GPR158: variants seen among roughly 807,000 people sequenced by gnomAD.
The protein encoded by GPR158 is G protein-coupled receptor 158, also known as metabotropic glycine receptor.
A neutral mutation model predicts 78.2 loss-of-function variants in GPR158; 30 were observed. The observed-to-expected ratio is 0.38, with a 90% CI of 0.29 to 0.52. The LOEUF (loss-of-function observed/expected upper bound fraction) is 0.52. Among genes scored for constraint, GPR158 ranks in the 20% least tolerant of loss-of-function variants. The pLI, the probability that GPR158 is intolerant of heterozygous loss-of-function variation, is 0.83. For synonymous variants in GPR158, 581 were observed against 591.1 expected (o/e 0.98, Z 0.25); for missense variants, 1,463 against 1,523.5 (o/e 0.96, Z 0.66).
Position 25,175,404 on chromosome 10 carries a change from T to C in GPR158, c.-17T>C. On this transcript the variant is annotated 5_prime_UTR_variant, in exon 1 of 11. Coordinates refer to ENST00000376351, the MANE Select transcript of GPR158 (RefSeq NM_020752.3). The surrounding 1 kb of genome is among the most constrained non-coding windows in gnomAD (Gnocchi z 6.4). ...TTCCCCCCCCTCCCGTTCCCTCCTC[T>C]TCTCTCTGGGAGGCAGATGGGAGCC... 6.8e-7 allele frequency: 1 copy of C among 1,466,918 alleles called. No individual in the cohort carries two copies. The highest frequency in any genetic ancestry group is 9.2e-7 in the Non-Finnish European group (1 of 1,088,242). 90.9% of individuals were successfully genotyped at this position (1,466,918 alleles called of 1,614,324 possible).
At chr10:25,255,030 G>A (rs1227532898) in intron 2 of GPR158, among the ~76,000 whole-genome samples, 3 of 152,024 alleles carry the variant, frequency 2.0e-5, no homozygotes, top group Non-Finnish European at 2.9e-5. Context: ...GTATTCCATG[G>A]GTCTGGACTC....
intron 2 of GPR158, among the ~76,000 whole-genome samples, chr10:25,387,350 T>A (rs528090464): frequency 3.3e-5 from 5 of 152,206 alleles, no homozygotes; most frequent in Non-Finnish European, 7.3e-5. Flanking sequence ...ATAATCCTTT[T>A]TAATGTCTGT....
At chr10:25,593,770 T>C (rs971540446) in intron 8 of GPR158, among the ~76,000 whole-genome samples, 2 of 152,128 alleles carry the variant, frequency 1.3e-5, no homozygotes, top group African/African-American at 4.8e-5. Context: ...GAGTACATTT[T>C]ATAAACCATT....
At chr10:25,543,284 C>G (rs1368482744) in intron 5 of GPR158, among the ~76,000 whole-genome samples, 7 of 152,034 alleles carry the variant, frequency 4.6e-5, no homozygotes, top group South Asian at 2.1e-4. Context: ...CCCTGCCCAG[C>G]TAATTTTTGT....
intron 4 of GPR158, among the ~76,000 whole-genome samples, chr10:25,423,123 ATATATGTATATACATATACATATATATG>A (rs1386867992): frequency 6.2e-5 from 8 of 128,982 alleles, no homozygotes; most frequent in Admixed American, 1.5e-4. Flanking sequence ...ATATATACAT[ATATATGTATATACATATACATATATATG>A]TATATGTATA....
intron 1 of GPR158, among the ~76,000 whole-genome samples, chr10:25,202,340 G>C (rs576010219): frequency 6.6e-6 from 1 of 151,916 alleles, no homozygotes; most frequent in East Asian, 1.9e-4. Context: ...TGCCATGTTG[G>C]TGTGCTACAC....
intron 2 of GPR158, among the ~76,000 whole-genome samples, chr10:25,390,189 A>G (rs1760730): frequency 0.52 from 78,797 of 151,668 alleles, 24,798 homozygotes; most frequent in Non-Finnish European, 0.73. Context: ...CAGCTTGAGA[A>G]CAGACTAATA....
At chr10:25,563,551 A>G (rs1302291666) in intron 6 of GPR158, among the ~76,000 whole-genome samples, 2 of 152,250 alleles carry the variant, frequency 1.3e-5, no homozygotes, top group East Asian at 3.9e-4. Flanking sequence ...AGTTTCTAAT[A>G]TATCATTTTG....
At chr10:25,418,217 C>T (rs569955141) in intron 4 of GPR158, among the ~76,000 whole-genome samples, 33 of 152,240 alleles carry the variant, frequency 2.2e-4, no homozygotes, top group African/African-American at 7.5e-4. Context: ...CCAGGAAAGT[C>T]TAATTTTTAG....
chr10:25,372,040 G>A (rs36130059), intron 2 of GPR158, among the ~76,000 whole-genome samples: 8,298 of 151,668 alleles, frequency 0.055, 518 homozygotes, highest in African/African-American at 0.15. Flanking sequence ...TCAAAAAGTG[G>A]GCGAAGGACA....
chr10:25,251,125 A>G, intron 2 of GPR158, among the ~76,000 whole-genome samples: 1 of 152,176 alleles, frequency 6.6e-6, no homozygotes, highest in Non-Finnish European at 1.5e-5. Flanking sequence ...ATCAGAGACT[A>G]GGAATGCAAC....
At chr10:25,344,475 C>T (rs540799046) in intron 2 of GPR158, among the ~76,000 whole-genome samples, 1 of 151,808 alleles carries the variant, frequency 6.6e-6, no homozygotes, top group South Asian at 2.1e-4. Flanking sequence ...CACCATGATA[C>T]ACAATAGATC....
chr10:25,342,202 G>A (rs1855312745), intron 2 of GPR158, among the ~76,000 whole-genome samples: 1 of 151,420 alleles, frequency 6.6e-6, no homozygotes, highest in South Asian at 2.1e-4. Context: ...CCTGAAGTAT[G>A]TGTGCTATAT....
At chr10:25,333,895 G>C (rs919055148) in intron 2 of GPR158, among the ~76,000 whole-genome samples, 1 of 152,068 alleles carries the variant, frequency 6.6e-6, no homozygotes, top group Non-Finnish European at 1.5e-5. Context: ...TTAATTTCAA[G>C]TGTCCTGGCC....
chr10:25,233,172 A>C (rs1171435044), intron 2 of GPR158, among the ~76,000 whole-genome samples: 1 of 152,196 alleles, frequency 6.6e-6, no homozygotes, highest in African/African-American at 2.4e-5. Flanking sequence ...CCAGAAAGGA[A>C]TATCTTTATT....
At chr10:25,403,479 A>G (rs1046660909) in intron 3 of GPR158, among the ~76,000 whole-genome samples, 2 of 152,022 alleles carry the variant, frequency 1.3e-5, no homozygotes, top group Non-Finnish European at 2.9e-5. Flanking sequence ...ATATAGCTTT[A>G]TACATTTTCC....
Position 25,551,011 on chromosome 10 carries a change from C to T in GPR158, c.1440C>T (p.Arg480=). 2 of 1,609,988 alleles carry T rather than the reference C, an allele frequency of 1.2e-6. No homozygotes were observed. Among genetic ancestry groups the T allele is most frequent in the Middle Eastern group, 1.7e-4 (1 of 6,046 alleles). ...VILYFEPSTF[R]CILLRWARLL... ...TGTACTTTGAGCCAAGCACATTTCG[C>T]TGTATTCTCCTAAGATGGGCTCGTC... Residue 480 remains arginine (R), a synonymous_variant, in exon 6 of 11, where the codon CGC becomes CGT. Coordinates refer to ENST00000376351, the MANE Select transcript of GPR158 (RefSeq NM_020752.3).
At chr10:25,182,355 C>G (rs1564384575) in intron 1 of GPR158, among the ~76,000 whole-genome samples, 1 of 152,154 alleles carries the variant, frequency 6.6e-6, no homozygotes, top group Admixed American at 6.5e-5. Flanking sequence ...CGAGAGAATA[C>G]ATGTTTCGAC....
rs890745995 is a variant in GPR158 at position 25,378,551 on chromosome 10, T to C, written c.1009-17360T>C. On this transcript the variant is annotated intron_variant, in intron 2 of 10. Coordinates refer to ENST00000376351, the MANE Select transcript of GPR158 (RefSeq NM_020752.3). ...TCTTTTTTCCTCTTTTCTTATGTTA[T>C]TTGGTTTTAATACAGTATTTCTTTT... 2.6e-5 allele frequency among the ~76,000 whole-genome samples: 4 copies of C among 152,102 alleles called. No individual in the cohort carries two copies. The South Asian group carries it at 8.3e-4, about 32-fold the overall frequency.
Sources: gnomAD v4.1 joint callset for allele counts (sites outside exome capture counted in the v4.1 genomes callset) on GRCh38, gnomAD v4.1.1 for gene constraint, Gnocchi (gnomAD v3.1) non-coding constraint, MANE v1.5 for transcripts, NCBI Gene and HGNC (gene_info 2026-07-23, HGNC 2026-07-21) for gene names.